The following CPPED1 variants were observed in gnomAD, a reference collection of about 807,000 sequenced individuals.
CPPED1 encodes the protein serine/threonine-protein phosphatase CPPED1.
Under a neutral mutation model 28.0 loss-of-function variants are expected in CPPED1, and 28 were observed. That is an observed-to-expected ratio of 1.00 (90% CI 0.74 to 1.37). The LOEUF is 1.37. Ranked by LOEUF, CPPED1 falls within the 40% of genes most tolerant of loss-of-function variation. The pLI, the probability that CPPED1 is intolerant of heterozygous loss-of-function variation, is 0.00. For synonymous variants in CPPED1, 198 were observed against 180.2 expected (o/e 1.10, Z -0.79); for missense variants, 504 against 416.5 (o/e 1.21, Z -1.83).
chr16:12,669,007 C>G lies in CPPED1; in HGVS notation c.716-3892G>C, dbSNP rs373559424. ...TATCTAGGAGAAATGAAAACATTTGCCCATGCAAAAACTTGTAGGTGAGTG... is the reference window on the plus strand; with the variant it reads ...TATCTAGGAGAAATGAAAACATTTGGCCATGCAAAAACTTGTAGGTGAGTG... On this transcript the variant is annotated intron_variant, in intron 3 of 3. Transcript: ENST00000381774. Among the ~76,000 whole-genome samples, 143 of 152,290 alleles carry G rather than the reference C, an allele frequency of 9.4e-4. 1 individual carries two copies. The highest frequency in any genetic ancestry group is 3.3e-3 in the African/African-American group (136 of 41,546).
At chr16:12,788,983 G>A (rs2080580413) in intron 1 of CPPED1, among the ~76,000 whole-genome samples, 1 of 152,204 alleles carries the variant, frequency 6.6e-6, no homozygotes, top group Admixed American at 6.5e-5. Flanking sequence ...TTACAAACTC[G>A]ACGTCTGTGG....
chr16:12,742,685 C>G (rs764640137), intron 2 of CPPED1, among the ~76,000 whole-genome samples: 10 of 152,094 alleles, frequency 6.6e-5, no homozygotes, highest in Non-Finnish European at 8.8e-5. Flanking sequence ...AAGGGTAGTT[C>G]AGAACATTGC....
intron 2 of CPPED1, among the ~76,000 whole-genome samples, chr16:12,721,771 AAAATAAAT>A (rs892995547): frequency 2.6e-4 from 39 of 151,532 alleles, no homozygotes; most frequent in Middle Eastern, 3.4e-3. Flanking sequence ...AAAAAAAGGC[AAAATAAAT>A]AAATAAATAA....
chr16:12,718,042 G>T (rs188914035), intron 2 of CPPED1, among the ~76,000 whole-genome samples: 1 of 152,192 alleles, frequency 6.6e-6, no homozygotes, highest in African/African-American at 2.4e-5. Context: ...GCTAAGAATG[G>T]GAAAGACTAC....
chr16:12,748,968 T>A (rs1002624249), intron 2 of CPPED1, among the ~76,000 whole-genome samples: 3 of 147,968 alleles, frequency 2.0e-5, no homozygotes, highest in African/African-American at 7.7e-5. Context: ...AAAAAAAAAA[T>A]GCTAGCAATC....
chr16:12,779,385 A>ATT (rs57294576), intron 2 of CPPED1, among the ~76,000 whole-genome samples: 11 of 145,702 alleles, frequency 7.5e-5, no homozygotes, highest in Non-Finnish European at 7.5e-5. Flanking sequence ...CGCCTGGCTA[A>ATT]TTTTTTTTTT....
intron 1 of CPPED1, among the ~76,000 whole-genome samples, chr16:12,797,336 G>A (rs921837709): frequency 2.0e-5 from 3 of 152,230 alleles, no homozygotes; most frequent in Admixed American, 2.0e-4. Context: ...GGATTGCTCG[G>A]GTCCAAGAGT....
intron 3 of CPPED1, among the ~76,000 whole-genome samples, chr16:12,680,171 A>G (rs192598968): frequency 3.5e-4 from 53 of 152,226 alleles, no homozygotes; most frequent in African/African-American, 1.2e-3. Flanking sequence ...TTCCCCTAAA[A>G]ATCATTTATG....
chr16:12,755,855 G>A (rs2141222479), intron 2 of CPPED1, among the ~76,000 whole-genome samples: 2 of 152,232 alleles, frequency 1.3e-5, no homozygotes, highest in Middle Eastern at 3.4e-3. Context: ...AGAAGTTGCT[G>A]GGTACGGTGG....
In CPPED1 at chr16:12,803,870, G is replaced by A. The variant is rs2080677529; in HGVS notation, c.-94C>T. On this transcript the variant is annotated 5_prime_UTR_variant, in exon 1 of 4. Transcript: ENST00000381774. ...AACCGCTGGACCTGTCCCGCTTTGG[G>A]CGACGCCCTTTGATCTCGGGGCGGG... 4 of 1,251,872 alleles carry A rather than the reference G, an allele frequency of 3.2e-6. No homozygotes were observed. The highest frequency in any genetic ancestry group is 4.3e-6 in the Non-Finnish European group (4 of 921,180). 77.5% of individuals were successfully genotyped at this position (1,251,872 alleles called of 1,614,324 possible).
intron 3 of CPPED1, among the ~76,000 whole-genome samples, chr16:12,698,174 C>T (rs1418230697): frequency 6.6e-6 from 1 of 152,110 alleles, no homozygotes; most frequent in Non-Finnish European, 1.5e-5. Context: ...ATATTACCTG[C>T]TGATAAGTAG....
At chr16:12,693,710 G>A (rs141644731) in intron 3 of CPPED1, among the ~76,000 whole-genome samples, 9 of 152,246 alleles carry the variant, frequency 5.9e-5, no homozygotes, top group East Asian at 3.9e-4. Context: ...CGGAATGAGC[G>A]TTTCACTAAG....
intron 2 of CPPED1, among the ~76,000 whole-genome samples, chr16:12,743,318 T>C (rs1230055403): frequency 1.3e-5 from 2 of 152,058 alleles, no homozygotes; most frequent in Non-Finnish European, 2.9e-5. Flanking sequence ...GTGATCCTTA[T>C]CCCCACCACA....
At chr16:12,792,099 G>A (rs1380670564) in intron 1 of CPPED1, among the ~76,000 whole-genome samples, 1 of 152,084 alleles carries the variant, frequency 6.6e-6, no homozygotes, top group Admixed American at 6.6e-5. Flanking sequence ...TTACAGGAGT[G>A]CGCCACCACA....
At chr16:12,736,542 A>C (rs2080227768) in intron 2 of CPPED1, among the ~76,000 whole-genome samples, 1 of 151,884 alleles carries the variant, frequency 6.6e-6, no homozygotes, top group African/African-American at 2.4e-5. Context: ...CCTGGCCTGG[A>C]TTTTGGCTTT....
At chr16:12,701,606 C>T (rs2141185088) in intron 3 of CPPED1, among the ~76,000 whole-genome samples, 1 of 152,228 alleles carries the variant, frequency 6.6e-6, no homozygotes, top group African/African-American at 2.4e-5. Context: ...GCAGATGTGA[C>T]TGAGAAGGGC....
In CPPED1 at chr16:12,662,958, C is replaced by T. The variant is rs921822286; in HGVS notation, c.*1928G>A. 8 of 152,192 alleles carry T rather than the reference C, an allele frequency of 5.3e-5. No homozygotes were observed. The highest frequency in any genetic ancestry group is 2.0e-4 in the Admixed American group (3 of 15,266). 9.4% of individuals were successfully genotyped at this position (152,192 alleles called of 1,614,324 possible). A position where few individuals can be genotyped will look rare whatever the true frequency, so the allele number is the denominator to read the frequency against. On this transcript the variant is annotated 3_prime_UTR_variant, in exon 4 of 4. Transcript: ENST00000381774. ...TGCATACGTAAGAACAGAGTGAGAGCTCCTTTTCATTTCCCCCTGGAGGAA... is the reference window on the plus strand; with the variant it reads ...TGCATACGTAAGAACAGAGTGAGAGTTCCTTTTCATTTCCCCCTGGAGGAA...
At chr16:12,736,402 G>A (rs1382493462) in intron 2 of CPPED1, among the ~76,000 whole-genome samples, 1 of 152,018 alleles carries the variant, frequency 6.6e-6, no homozygotes, top group Non-Finnish European at 1.5e-5. Flanking sequence ...ACCATGCCTG[G>A]CTAATTTTTG....
chr16:12,719,561 T>C (rs916301574), intron 2 of CPPED1, among the ~76,000 whole-genome samples: 56 of 152,136 alleles, frequency 3.7e-4, no homozygotes, highest in Non-Finnish European at 1.5e-4. Flanking sequence ...ACGGAAAGAT[T>C]GACTTACCAT....
Sources: gnomAD v4.1 joint callset for allele counts (sites outside exome capture counted in the v4.1 genomes callset) on GRCh38, gnomAD v4.1.1 for gene constraint, MANE v1.5 for transcripts, NCBI Gene and HGNC (gene_info 2026-07-23, HGNC 2026-07-21) for gene names.